The following ZNF626 variants were observed in gnomAD, a reference collection of about 807,000 sequenced individuals.
ZNF626 encodes zinc finger protein 626.
A neutral mutation model predicts 11.7 loss-of-function variants in ZNF626; 4 were observed. The ratio of observed to expected loss-of-function variants is 0.34; its 90% CI spans 0.17 to 0.78. The LOEUF is 0.78. Ranked by LOEUF, ZNF626 falls within the 30% of genes least tolerant of loss-of-function variation. The pLI is 0.57. For synonymous variants in ZNF626, 179 were observed against 198.6 expected (o/e 0.90, Z 0.83); for missense variants, 588 against 587.1 (o/e 1.00, Z -0.01).
At chr19:20,645,312 T>C in intron 3 of ZNF626, 7 of 1,550,240 alleles carry the variant, frequency 4.5e-6, no homozygotes, top group Non-Finnish European at 6.1e-6. Flanking sequence ...AAGAGAACTT[T>C]GAGAGTAATT....
At chr19:20,650,985 A>G (rs274817) in intron 1 of ZNF626, among the ~76,000 whole-genome samples, 10,501 of 152,078 alleles carry the variant, frequency 0.069, 452 homozygotes, top group South Asian at 0.14. Context: ...TCAGGAGTTC[A>G]AGACCAGACT....
chr19:20,658,860 T>C (rs2144797971), intron 1 of ZNF626, among the ~76,000 whole-genome samples: 1 of 152,216 alleles, frequency 6.6e-6, no homozygotes, highest in Middle Eastern at 3.4e-3. Flanking sequence ...TGAGCTACTG[T>C]TTGAAAACTG....
At chr19:20,648,576 C>G (rs1309826965) in intron 1 of ZNF626, among the ~76,000 whole-genome samples, 1 of 152,038 alleles carries the variant, frequency 6.6e-6, no homozygotes, top group African/African-American at 2.4e-5. Flanking sequence ...AGAGTTTCAC[C>G]ATGTTGACCA....
At chr19:20,658,626 C>A (rs1359826018) in intron 1 of ZNF626, among the ~76,000 whole-genome samples, 4 of 152,184 alleles carry the variant, frequency 2.6e-5, no homozygotes, top group Non-Finnish European at 5.9e-5. Flanking sequence ...TTTTCAAATA[C>A]CCAGAGCTTT....
At chr19:20,636,309 T>A (rs1568457688) in intron 3 of ZNF626, among the ~76,000 whole-genome samples, 1 of 152,176 alleles carries the variant, frequency 6.6e-6, no homozygotes, top group Non-Finnish European at 1.5e-5. Flanking sequence ...TTCACTGTCT[T>A]AAATTGTACA....
Position 20,645,705 on chromosome 19 carries a change from C to A in ZNF626, c.205G>T (p.Glu69Ter). 3 of 1,612,352 alleles carry A rather than the reference C, an allele frequency of 1.9e-6. No individual in the cohort carries two copies. Among genetic ancestry groups the A allele is most frequent in the Non-Finnish European group, 2.5e-6 (3 of 1,179,640 alleles). Reference sequence around the variant, plus strand: ...CTACCTGAGGGTTTGGCTATCATCTCATTTCTCTTCATGGTCAAAGGTTTT... The same window carrying A: ...CTACCTGAGGGTTTGGCTATCATCTAATTTCTCTTCATGGTCAAAGGTTTT... ...GRKPLTMKRN[E>*]MIAKPSVMCS... The change falls in exon 3 of 4, where the codon GAG becomes TAG. Residue 69 changes from glutamate to a stop codon, truncating the protein, a stop_gained. Coordinates refer to ENST00000601440, the MANE Select transcript of ZNF626 (RefSeq NM_001076675.3). LOFTEE classifies it low-confidence loss of function (END_TRUNC).
In ZNF626 at chr19:20,622,629, C is replaced by A. The variant is rs1370945096; in HGVS notation, c.*1661G>T. The A allele has an allele frequency of 2.6e-5, 4 of 152,092 alleles. No individual in the cohort carries two copies. Among genetic ancestry groups the A allele is most frequent in the African/African-American group, 9.7e-5 (4 of 41,428 alleles). The allele number at this position is 152,092 out of a possible 1,614,324, so 9.4% of individuals were successfully genotyped here. On this transcript the variant is annotated 3_prime_UTR_variant, in exon 4 of 4. Transcript: ENST00000601440. Reference sequence around the variant, plus strand: ...AATTGTTTTCAAGGAAACAAATATACTTTCAATGTAAATACAAAGCTTCAA... The same window carrying A: ...AATTGTTTTCAAGGAAACAAATATAATTTCAATGTAAATACAAAGCTTCAA...
intron 3 of ZNF626, among the ~76,000 whole-genome samples, chr19:20,640,998 T>A (rs1555771373): frequency 6.6e-6 from 1 of 152,014 alleles, no homozygotes; most frequent in Non-Finnish European, 1.5e-5. Flanking sequence ...TAGCTGGGCA[T>A]GGTCGTGGGC....
rs553886197 is a variant in ZNF626, at chr19:20,660,408, G to T, written c.3+1036C>A. 3.2e-4 allele frequency among the ~76,000 whole-genome samples: 49 copies of T among 152,120 alleles called. 1 individual carries two copies. Among genetic ancestry groups the T allele is most frequent in the Admixed American group, 9.2e-4 (14 of 15,274 alleles). Reference sequence around the variant, plus strand: ...AATTACTCACAATGTTTACATAAAGGAATTTTTAAGATGCTTACTTTTTTT... The same window carrying T: ...AATTACTCACAATGTTTACATAAAGTAATTTTTAAGATGCTTACTTTTTTT... On this transcript the variant is annotated intron_variant, in intron 1 of 3. Transcript: ENST00000601440.
At chr19:20,627,285 GAA>G (rs782484088) in intron 3 of ZNF626, among the ~76,000 whole-genome samples, 3 of 151,470 alleles carry the variant, frequency 2.0e-5, no homozygotes, top group Non-Finnish European at 4.4e-5. Flanking sequence ...TCATAGATAA[GAA>G]GAGAATTTTA....
Position 20,623,928 on chromosome 19 carries a change from C to G in ZNF626, c.*362G>C. The G allele has an allele frequency of 2.7e-6, 1 of 375,852 alleles. No individual in the cohort carries two copies. Among genetic ancestry groups the G allele is most frequent in the Non-Finnish European group, 5.1e-6 (1 of 197,122 alleles). 23.3% of individuals were successfully genotyped at this position (375,852 alleles called of 1,614,324 possible). Reference sequence around the variant, plus strand: ...AGTTCCTTAAAAAATCTGTCACATTCTTTATATTTGTAGAGTTTATATTTC... The same window carrying G: ...AGTTCCTTAAAAAATCTGTCACATTGTTTATATTTGTAGAGTTTATATTTC... On this transcript the variant is annotated 3_prime_UTR_variant, in exon 4 of 4. Transcript: ENST00000601440.
intron 3 of ZNF626, among the ~76,000 whole-genome samples, chr19:20,643,449 A>G (rs1453252427): frequency 6.6e-6 from 1 of 152,086 alleles, no homozygotes; most frequent in Non-Finnish European, 1.5e-5. Flanking sequence ...AACTATGTTT[A>G]TATTTAGTAA....
At chr19:20,626,076 G>A (rs1969828397) in intron 3 of ZNF626, among the ~76,000 whole-genome samples, 1 of 149,458 alleles carries the variant, frequency 6.7e-6, no homozygotes, top group Admixed American at 6.9e-5. Flanking sequence ...TCTTGGCAAA[G>A]ATGATGAAAT....
At chr19:20,635,065 A>G (rs1969952113) in intron 3 of ZNF626, among the ~76,000 whole-genome samples, 1 of 152,216 alleles carries the variant, frequency 6.6e-6, no homozygotes, top group East Asian at 1.9e-4. Flanking sequence ...CAGTTTTCAA[A>G]TAGCAGAAAA....
intron 1 of ZNF626, among the ~76,000 whole-genome samples, chr19:20,652,480 T>G (rs1970157864): frequency 6.6e-6 from 1 of 152,154 alleles, no homozygotes; most frequent in South Asian, 2.1e-4. Context: ...GGCAAAATTG[T>G]TTGTCAGAAA....
chr19:20,633,592 G>C (rs1410603990), intron 3 of ZNF626, among the ~76,000 whole-genome samples: 3 of 152,336 alleles, frequency 2.0e-5, no homozygotes, highest in Non-Finnish European at 4.4e-5. Context: ...CTCTGAGCTG[G>C]GTGAGGGATA....
At chr19:20,627,897 T>C (rs562539462) in intron 3 of ZNF626, among the ~76,000 whole-genome samples, 14 of 152,204 alleles carry the variant, frequency 9.2e-5, no homozygotes, top group Non-Finnish European at 1.5e-4. Context: ...TCATTTAGCA[T>C]TAGGTGTATC....
rs140482719 is a variant in ZNF626, at chr19:20,647,349, A to C, written c.4-944T>G. On this transcript the variant is annotated intron_variant, in intron 1 of 3. Coordinates refer to ENST00000601440, the MANE Select transcript of ZNF626 (RefSeq NM_001076675.3). ...CCAGATTAAATGTGATGGTTTATGC[A>C]CATCAGCTGCATAAAGATACGTAAT... Among the ~76,000 whole-genome samples the C allele has an allele frequency of 3.9e-4, 60 of 152,300 alleles. 2 individuals are homozygous for C. Among genetic ancestry groups the C allele is most frequent in the African/African-American group, 1.4e-3 (58 of 41,574 alleles).
intron 3 of ZNF626, among the ~76,000 whole-genome samples, chr19:20,629,432 T>C (rs1969877631): frequency 6.6e-6 from 1 of 152,210 alleles, no homozygotes; most frequent in South Asian, 2.1e-4. Flanking sequence ...TGTTCTTCCA[T>C]TTGTTTGTAT....
Sources: allele counts gnomAD v4.1 joint callset (sites outside exome capture counted in the v4.1 genomes callset), GRCh38; gene constraint gnomAD v4.1.1; transcripts MANE v1.5; gene names NCBI Gene and HGNC (gene_info 2026-07-23, HGNC 2026-07-21).